The following LTBP4 variants were observed in gnomAD, a reference collection of about 807,000 sequenced individuals.
LTBP4 encodes the protein latent-transforming growth factor beta-binding protein 4.
LTBP4 carries 93 observed loss-of-function variants against 180.2 expected under a neutral mutation model. The observed-to-expected ratio is 0.52, with a 90% CI of 0.44 to 0.61. The LOEUF is 0.61. Among genes scored for constraint, LTBP4 ranks in the 20% least tolerant of loss-of-function variants. LTBP4 has a pLI of 0.00. For synonymous variants in LTBP4, 947 were observed against 934.5 expected, an observed-to-expected ratio of 1.01 and a Z score of -0.24; for missense variants, 2,116 against 2,256.5, an observed-to-expected ratio of 0.94 and a Z score of 1.26.
chr19:40,599,401 G>A (rs781735457), upstream of LTBP4: 6 of 1,611,940 alleles, frequency 3.7e-6, no homozygotes, highest in Non-Finnish European at 3.4e-6. Flanking sequence ...TCCCCACTTA[G>A]TCCCTGGCTG....
chr19:40,610,212 C>T (rs1297646162), intron 11 of LTBP4: 2 of 500,476 alleles, frequency 4.0e-6, no homozygotes, highest in East Asian at 3.2e-5. Context: ...ACTGCGGCAA[C>T]CAATCTCCTG....
chr19:40,614,355 G>T lies in LTBP4; in HGVS notation c.2721G>T (p.Gly907=), dbSNP rs769313045. 2 of 1,600,440 alleles carry T rather than the reference G, an allele frequency of 1.2e-6. No homozygotes were observed. Among genetic ancestry groups the T allele is most frequent in the South Asian group, 2.2e-5 (2 of 91,082 alleles). The change falls in exon 19 of 30, where the codon GGG becomes GGT. Residue 907 remains glycine (G), a synonymous_variant. Transcript: ENST00000396819. ...GCGAGCGAGGCCCAGCCCTGTGCGG[G>T]TCGCAGCGCTGTGAGAACTCTCCCG... ...ECRERGPALC[G]SQRCENSPGS... is the part of the protein sequence containing the mutation.
At position 40,609,911 on chromosome 19, in the gene LTBP4, G is replaced by T. The variant is rs764521280; in HGVS notation, c.1684+40G>T. The stretch of plus-strand genomic sequence containing the variant: ...CCACCCGGCTCCAGGCCCACCCCAG[G>T]GTCTCGCTCCTGCTCTCACTCCAGA... On this transcript the variant is annotated intron_variant, in intron 11 of 29. Coordinates refer to ENST00000396819, the MANE Select transcript of LTBP4 (RefSeq NM_001042545.2). The surrounding 1 kb of genome is among the most constrained non-coding windows in gnomAD (Gnocchi z 4.9). 16 of 1,490,098 alleles carry T rather than the reference G, an allele frequency of 1.1e-5. No individual in the cohort carries two copies. The highest frequency in any genetic ancestry group is 1.4e-5 in the African/African-American group (1 of 71,874). 92.3% of individuals were successfully genotyped at this position (1,490,098 alleles called of 1,614,324 possible). A position where few individuals can be genotyped will look rare whatever the true frequency, so the allele number is the denominator to read the frequency against.
chr19:40,601,533 C>G lies in LTBP4; in HGVS notation c.146C>G (p.Pro49Arg), dbSNP rs1239013930. The G allele has an allele frequency of 2.0e-6, 3 of 1,492,586 alleles. No individual in the cohort carries two copies. The allele number at this position is 1,492,586 out of a possible 1,614,324, so 92.5% of individuals were successfully genotyped here. A position where few individuals can be genotyped will look rare whatever the true frequency, so the allele number is the denominator to read the frequency against. ...TGCGGCCTGCGCTGCGTCCATGGGCCGACCGGCTCCCGCTGTACCCCGACC... is the reference window on the plus strand; with the variant it reads ...TGCGGCCTGCGCTGCGTCCATGGGCGGACCGGCTCCCGCTGTACCCCGACC... Reference protein sequence around the residue: ...VVCGLRCVHGPTGSRCTPTCA... With the variant: ...VVCGLRCVHGRTGSRCTPTCA... Residue 49 changes from proline (P) to arginine (R), a missense_variant, in exon 1 of 30, where the codon CCG becomes CGG. Around this residue, in one of 5 missense-constraint regions of LTBP4, gnomAD observed 469 missense variants for 532.5 expected, o/e 0.88. Coordinates refer to ENST00000396819, the MANE Select transcript of LTBP4 (RefSeq NM_001042545.2).
chr19:40,627,033 A>G lies in LTBP4; in HGVS notation c.4044A>G (p.Pro1348=). 1 of 1,606,666 alleles carries G rather than the reference A, an allele frequency of 6.2e-7. No individual in the cohort carries two copies. The highest frequency in any genetic ancestry group is 1.7e-5 in the Admixed American group (1 of 59,410). Residue 1348 remains proline (P), a synonymous_variant, in exon 28 of 30, where the codon CCA becomes CCG. Coordinates refer to ENST00000396819, the MANE Select transcript of LTBP4 (RefSeq NM_001042545.2). ...CCCCCGCATATAGCCCCCCGCGACC[A>G]GGTGGCTTTGGACTCCCCTACGAGT... ...LRPPAYSPPR[P]GGFGLPYEYG...
At chr19:40,621,883 G>A (rs562114371) in intron 22 of LTBP4, among the ~76,000 whole-genome samples, 2 of 152,284 alleles carry the variant, frequency 1.3e-5, no homozygotes, top group East Asian at 3.9e-4. Flanking sequence ...AAGTAGCTGG[G>A]ATTACAGGCA....
Position 40,622,585 on chromosome 19 carries a change from G to C in LTBP4, c.3402G>C (p.Val1134=). 1.9e-6 allele frequency: 3 copies of C among 1,613,786 alleles called. No individual in the cohort carries two copies. Among genetic ancestry groups the C allele is most frequent in the Non-Finnish European group, 2.5e-6 (3 of 1,179,860 alleles). ...DACDNILARN[V]TWQECCCTVG... ...GTGACAACATCCTGGCTCGGAATGTGACATGGCAGGAGTGCTGCTGTACTG... is the reference window on the plus strand; with the variant it reads ...GTGACAACATCCTGGCTCGGAATGTCACATGGCAGGAGTGCTGCTGTACTG... The change falls in exon 23 of 30, where the codon GTG becomes GTC. Residue 1134 remains valine (V), a synonymous_variant. Transcript: ENST00000396819. The surrounding 1 kb of genome is among the most constrained non-coding windows in gnomAD (Gnocchi z 5.1).
chr19:40,604,897 A>G, intron 1 of LTBP4, 138 bp from the exon 2 acceptor site: 2 of 719,022 alleles, frequency 2.8e-6, no homozygotes, highest in Non-Finnish European at 4.5e-6. Context: ...GCCAATGCTG[A>G]TGCCAGAATT....
intron 29 of LTBP4, 145 bp downstream of exon 29, chr19:40,628,002 C>T: frequency 2.5e-6 from 3 of 1,193,772 alleles, no homozygotes; most frequent in Non-Finnish European, 3.4e-6. Context: ...AGGAGTAATT[C>T]TTCCACCTGG....
chr19:40,599,894 T>C, upstream of LTBP4: 1 of 474,792 alleles, frequency 2.1e-6, no homozygotes, highest in Non-Finnish European at 3.7e-6. Context: ...CATCTCTCTT[T>C]CTCTCAGGGT....
chr19:40,599,739 C>T (rs2081410772), upstream of LTBP4: 4 of 607,526 alleles, frequency 6.6e-6, no homozygotes, highest in South Asian at 8.2e-5. Flanking sequence ...TCAGGCTCTT[C>T]CCATCTCTGC....
intron 22 of LTBP4, among the ~76,000 whole-genome samples, chr19:40,620,781 A>G (rs2081581597): frequency 6.6e-6 from 1 of 151,788 alleles, no homozygotes. Context: ...AAAAAAAAAA[A>G]AAAAAAAGCT....
chr19:40,600,096 C>T, upstream of LTBP4: 1 of 1,259,696 alleles, frequency 7.9e-7, no homozygotes, highest in Non-Finnish European at 1.0e-6. The surrounding 1 kb of genome is among the most constrained non-coding windows in gnomAD (Gnocchi z 4.4). Context: ...TCTACTGAAG[C>T]GGCGGCGGCC....
At position 40,622,460 on chromosome 19, in the gene LTBP4, C is replaced by A; in HGVS notation, c.3277C>A (p.Pro1093Thr). The A allele has an allele frequency of 1.9e-6, 3 of 1,602,496 alleles. No individual in the cohort carries two copies. The highest frequency in any genetic ancestry group is 1.7e-6 in the Non-Finnish European group (2 of 1,173,654). Residue 1093 changes from proline to threonine, a missense_variant, in exon 23 of 30, where the codon CCT becomes ACT. Physicochemically the swap from Pro to Thr is conservative, Grantham distance 38. Transcript: ENST00000396819. This position sits in a 1 kb window ranked among gnomAD's most constrained non-coding sequence, Gnocchi z 5.1. ...PASPVLPARP[P>T]PPPLPRRPST... ...TAGCCCCGTTCTGCCCGCCAGGCCA[C>A]CTCCGCCACCCCTGCCCCGCCGACC... is the stretch of plus-strand genomic sequence containing the variant.
In LTBP4 at chr19:40,627,123, T is replaced by A; in HGVS notation, c.4134T>A (p.Pro1378=). The change falls in exon 28 of 30, where the codon CCT becomes CCA. Residue 1378 remains proline (P), a synonymous_variant. Transcript: ENST00000396819. ...LPYGPELYPP[P]ALPYDPYPPP... Reference sequence around the variant, plus strand: ...ATGGGCCTGAGTTGTACCCACCACCTGCGCTACCCTACGACCCCTACCCAC... The same window carrying A: ...ATGGGCCTGAGTTGTACCCACCACCAGCGCTACCCTACGACCCCTACCCAC... 6.2e-7 allele frequency: 1 copy of A among 1,613,874 alleles called. No individual in the cohort carries two copies. Among genetic ancestry groups the A allele is most frequent in the Non-Finnish European group, 8.5e-7 (1 of 1,179,834 alleles).
chr19:40,627,138 C>T lies in LTBP4; in HGVS notation c.4149C>T (p.Asp1383=). Residue 1383 remains aspartate (D), a synonymous_variant, in exon 28 of 30, where the codon GAC becomes GAT. Transcript: ENST00000396819. ...ELYPPPALPY[D]PYPPPPGPFA... is the part of the protein sequence containing the mutation. ...ACCCACCACCTGCGCTACCCTACGA[C>T]CCCTACCCACCGCCACCTGGGCCCT... 1 of 1,613,814 alleles carries T rather than the reference C, an allele frequency of 6.2e-7. No individual in the cohort carries two copies. The highest frequency in any genetic ancestry group is 8.5e-7 in the Non-Finnish European group (1 of 1,179,838).
At position 40,622,695 on chromosome 19, in the gene LTBP4, G is replaced by A. The variant is rs765543641; in HGVS notation, c.3484+28G>A. Reference sequence around the variant, plus strand: ...GGGCATGGGCTGATGGGGACACAGGGCTGAGGGCTTGGGTGGAAATACTGG... The same window carrying A: ...GGGCATGGGCTGATGGGGACACAGGACTGAGGGCTTGGGTGGAAATACTGG... On this transcript the variant is annotated intron_variant, in intron 23 of 29. Coordinates refer to ENST00000396819, the MANE Select transcript of LTBP4 (RefSeq NM_001042545.2). The surrounding 1 kb of genome is among the most constrained non-coding windows in gnomAD (Gnocchi z 5.1). 2 of 1,579,202 alleles carry A rather than the reference G, an allele frequency of 1.3e-6. No individual in the cohort carries two copies. Among genetic ancestry groups the A allele is most frequent in the South Asian group, 2.3e-5 (2 of 88,382 alleles).
intron 21 of LTBP4, 46 bp from the exon 22 acceptor site, chr19:40,619,301 G>T (rs757078938): frequency 1.3e-6 from 2 of 1,588,162 alleles, no homozygotes; most frequent in Non-Finnish European, 1.7e-6. Context: ...AATCATAGAA[G>T]CTTATAACCA....
rs547744142 is a variant in LTBP4 at position 40,619,073 on chromosome 19, G to A, written c.3071-274G>A. On this transcript the variant is annotated intron_variant, in intron 21 of 29. Transcript: ENST00000396819. ...CCCAGCATGATCACTGCCTATGTCT[G>A]AACCAGAGAAATGCCGTCATCTGTT... 2.0e-5 allele frequency among the ~76,000 whole-genome samples: 3 copies of A among 151,908 alleles called. No homozygotes were observed. The South Asian group carries it at 6.2e-4, about 32-fold the overall frequency.
Sources: allele counts gnomAD v4.1 joint callset (sites outside exome capture counted in the v4.1 genomes callset), GRCh38; gene constraint gnomAD v4.1.1; regional missense constraint gnomAD v4.1.1; non-coding constraint Gnocchi (gnomAD v3.1); transcripts MANE v1.5; gene names NCBI Gene and HGNC (gene_info 2026-07-23, HGNC 2026-07-21).